SPTBN1: variants seen among roughly 807,000 people sequenced by gnomAD.
SPTBN1 encodes spectrin beta chain, non-erythrocytic 1.
Under a neutral mutation model 266.4 loss-of-function variants are expected in SPTBN1, and 32 were observed. The ratio of observed to expected loss-of-function variants is 0.12; its 90% confidence interval spans 0.09 to 0.16. The LOEUF (loss-of-function observed/expected upper bound fraction) is 0.16, where lower values mean the gene tolerates loss of function less well. Ranked by LOEUF, SPTBN1 falls within the 10% of genes least tolerant of loss-of-function variation. The probability of loss-of-function intolerance (pLI) is 1.00; values close to 1 mark genes in which losing one functional copy is unlikely to be tolerated. For missense variants in SPTBN1, 2,296 were observed against 3,067.1 expected (o/e 0.75, Z 5.94); for synonymous variants, 1,336 against 1,162.2 (o/e 1.15, Z -3.04).
At position 54,628,331 on chromosome 2, in the gene SPTBN1, T is replaced by TA; in HGVS notation, c.1798+82dup. The TA allele has an allele frequency of 6.8e-7, 1 of 1,465,178 alleles. No individual in the cohort carries two copies. Among genetic ancestry groups the TA allele is most frequent in the Non-Finnish European group, 9.1e-7 (1 of 1,104,664 alleles). The allele number at this position is 1,465,178 out of a possible 1,614,324, so 90.8% of individuals were successfully genotyped here. A position where few individuals can be genotyped will look rare whatever the true frequency, so the allele number is the denominator to read the frequency against. On this transcript the variant is annotated intron_variant, in intron 13 of 35. Transcript: ENST00000356805. This position sits in a 1 kb window ranked among gnomAD's most constrained non-coding sequence, Gnocchi z 4.3. ...AGAAACACAGTGGGGCTTTTGAAGT[T>TA]ACTGTGCCACTATACATTCCTGGTG... is the stretch of plus-strand genomic sequence containing the variant.
Position 54,657,984 on chromosome 2 carries a change from G to T in SPTBN1, c.6181G>T (p.Ala2061Ser). Residue 2061 changes from alanine (A) to serine (S), a missense_variant, in exon 30 of 36, where the codon GCA becomes TCA. Ala to Ser is a moderately conservative substitution (Grantham distance 99, BLOSUM62 1). This residue lies in a region of SPTBN1 where 644 missense variants were observed against 745.3 expected (regional missense o/e 0.86). Transcript: ENST00000356805. ...EVEKLIKRHE[A>S]FEKSAATWDE... ...GGAGAAGCTCATCAAGCGCCACGAGGCATTTGAAAAGTCTGCAGCAACCTG... is the reference window on the plus strand; with the variant it reads ...GGAGAAGCTCATCAAGCGCCACGAGTCATTTGAAAAGTCTGCAGCAACCTG... 1 of 1,614,260 alleles carries T rather than the reference G, an allele frequency of 6.2e-7. No individual in the cohort carries two copies. Among genetic ancestry groups the T allele is most frequent in the South Asian group, 1.1e-5 (1 of 91,084 alleles).
chr2:54,635,695 G>A (rs1435362335), intron 17 of SPTBN1, among the ~76,000 whole-genome samples: 1 of 152,224 alleles, frequency 6.6e-6, no homozygotes, highest in Non-Finnish European at 1.5e-5. Flanking sequence ...CCCTGCCACT[G>A]TAGGACTTCA....
rs1678577600 is a variant in SPTBN1, at chr2:54,629,375, C to T, written c.2241C>T (p.His747=). 6.2e-7 allele frequency: 1 copy of T among 1,614,148 alleles called. No homozygotes were observed. ...GCCTGGAGGAGGCCTCCCTGCTGCA[C>T]CAGTTCCAGGCAGATGCTGATGACA... ...KKRLEEASLL[H]QFQADADDID... The change falls in exon 14 of 36, where the codon CAC becomes CAT. Residue 747 remains histidine (H), a synonymous_variant. Coordinates refer to ENST00000356805, the MANE Select transcript of SPTBN1 (RefSeq NM_003128.3).
chr2:54,530,934 G>A (rs1271012765), intron 2 of SPTBN1, among the ~76,000 whole-genome samples: 1 of 152,086 alleles, frequency 6.6e-6, no homozygotes, highest in Non-Finnish European at 1.5e-5. Context: ...ATGATGCTGT[G>A]CACCCAAGAC....
intron 1 of SPTBN1, among the ~76,000 whole-genome samples, chr2:54,462,517 T>C (rs1295194106): frequency 6.6e-6 from 1 of 152,240 alleles, no homozygotes; most frequent in African/African-American, 2.4e-5. Context: ...ACTGCTACTC[T>C]GAGATTACTT....
chr2:54,484,842 C>A (rs1284723738), intron 1 of SPTBN1, among the ~76,000 whole-genome samples: 1 of 152,072 alleles, frequency 6.6e-6, no homozygotes, highest in Non-Finnish European at 1.5e-5. Flanking sequence ...ATACGTTTAG[C>A]TTCAAAAATG....
In SPTBN1 at chr2:54,475,728, ATTGT is replaced by A. The variant is rs1278980434; in HGVS notation, c.-48+19213_-48+19216del. ...TAGTATTTTCCACTAATTCAGACTC[ATTGT>A]TTAGTGAAAAGAATACAGCCATCGG... On this transcript the variant is annotated intron_variant, in intron 1 of 35. Transcript: ENST00000356805. Among the ~76,000 whole-genome samples the A allele has an allele frequency of 3.3e-5, 5 of 152,184 alleles. No individual in the cohort carries two copies. In the East Asian group the frequency reaches 9.6e-4, roughly 29 times the overall value.
At chr2:54,491,646 G>T (rs762128637) in intron 1 of SPTBN1, among the ~76,000 whole-genome samples, 1 of 151,174 alleles carries the variant, frequency 6.6e-6, no homozygotes, top group African/African-American at 2.5e-5. Context: ...CTGGAGTGCA[G>T]TGGTGCAAAC....
At chr2:54,598,489 G>A (rs1052323201) in intron 2 of SPTBN1, among the ~76,000 whole-genome samples, 2 of 152,068 alleles carry the variant, frequency 1.3e-5, no homozygotes, top group African/African-American at 2.4e-5. Context: ...CATGGTGTGT[G>A]TGACTGAGCA....
intron 1 of SPTBN1, among the ~76,000 whole-genome samples, chr2:54,480,071 A>G (rs1668023467): frequency 6.6e-6 from 1 of 152,216 alleles, no homozygotes; most frequent in South Asian, 2.1e-4. Context: ...AAAGGCTCAG[A>G]AAGTAAAATT....
chr2:54,644,154 A>AC (rs1458199328), intron 19 of SPTBN1, among the ~76,000 whole-genome samples, 169 bp from the exon 20 acceptor site: 2 of 152,132 alleles, frequency 1.3e-5, no homozygotes, highest in Non-Finnish European at 2.9e-5. Context: ...AATGTACACA[A>AC]CCTAGGGGTC....
chr2:54,558,484 C>T lies in SPTBN1; in HGVS notation c.148+31918C>T, dbSNP rs555735763. On this transcript the variant is annotated intron_variant, in intron 2 of 35. Coordinates refer to ENST00000356805, the MANE Select transcript of SPTBN1 (RefSeq NM_003128.3). This position sits in a 1 kb window ranked among gnomAD's most constrained non-coding sequence, Gnocchi z 4.6. ...TTTAAAAGTTCTGAAGTAGAACCTG[C>T]GCCTCCTCTCTGCTTCTCCCTCCTC... 2.2e-4 allele frequency: 253 copies of T among 1,133,412 alleles called. No individual in the cohort carries two copies. Among genetic ancestry groups the T allele is most frequent in the Non-Finnish European group, 2.7e-4 (247 of 924,288 alleles). 70.2% of individuals were successfully genotyped at this position (1,133,412 alleles called of 1,614,324 possible).
Position 54,670,880 on chromosome 2 carries a change from T to C in SPTBN1, c.*2311T>C, listed in dbSNP as rs1270371906. On this transcript the variant is annotated 3_prime_UTR_variant, in exon 36 of 36. Coordinates refer to ENST00000356805, the MANE Select transcript of SPTBN1 (RefSeq NM_003128.3). The stretch of plus-strand genomic sequence containing the variant: ...GCGTCAGAAGACCCCAGTCAAGACG[T>C]GTTCGCCATCAGAGGTTACAGGCCG... 2 of 398,360 alleles carry C rather than the reference T, an allele frequency of 5.0e-6. No individual in the cohort carries two copies. The highest frequency in any genetic ancestry group is 7.1e-5 in the East Asian group (2 of 28,090). 24.7% of individuals were successfully genotyped at this position (398,360 alleles called of 1,614,324 possible).
intron 2 of SPTBN1, among the ~76,000 whole-genome samples, chr2:54,547,143 C>CTAGAA (rs1672292763): frequency 6.6e-6 from 1 of 152,172 alleles, no homozygotes; most frequent in Admixed American, 6.5e-5. Flanking sequence ...CCCCCAGCTC[C>CTAGAA]TGGCAACCAC....
At chr2:54,595,206 C>A (rs1319771634) in intron 2 of SPTBN1, among the ~76,000 whole-genome samples, 2 of 152,230 alleles carry the variant, frequency 1.3e-5, no homozygotes, top group African/African-American at 4.8e-5. Context: ...AGAGCAGTTA[C>A]AACACTCTGG....
chr2:54,484,942 C>T (rs572475272), intron 1 of SPTBN1, among the ~76,000 whole-genome samples: 19 of 151,732 alleles, frequency 1.3e-4, no homozygotes, highest in African/African-American at 4.1e-4. Flanking sequence ...TCTTGAGTGT[C>T]GTGTAAAATA....
intron 1 of SPTBN1, among the ~76,000 whole-genome samples, chr2:54,460,529 G>T (rs909407266): frequency 1.3e-5 from 2 of 152,110 alleles, no homozygotes; most frequent in Admixed American, 1.3e-4. Flanking sequence ...CAGAGCTGGA[G>T]CCTCGGAAGC....
At position 54,486,287 on chromosome 2, in the gene SPTBN1, A is replaced by G. The variant is rs1668383653; in HGVS notation, c.-48+29769A>G. ...GTTTTGTGGAATAGAAAGGGGGGAAAGGTGGGGAAAAGACTGAGAAATCGG... is the reference window on the plus strand; with the variant it reads ...GTTTTGTGGAATAGAAAGGGGGGAAGGGTGGGGAAAAGACTGAGAAATCGG... On this transcript the variant is annotated intron_variant, in intron 1 of 35. Transcript: ENST00000356805. 3.9e-5 allele frequency among the ~76,000 whole-genome samples: 6 copies of G among 152,218 alleles called. No homozygotes were observed. In the South Asian group the frequency reaches 1.0e-3, roughly 26 times the overall value.
chr2:54,644,334 G>T lies in SPTBN1; in HGVS notation c.4017G>T (p.Gln1339His), dbSNP rs1373298885. 2.5e-6 allele frequency: 4 copies of T among 1,608,892 alleles called. No individual in the cohort carries two copies. In the Admixed American group the frequency reaches 5.0e-5, roughly 20 times the overall value. ...GTTTTGTTTTCCAGGAAGGAATGCA[G>T]CTCATTTCAGAAAAGCCTGAGACGG... ...WLDKIEKEGM[Q>H]LISEKPETEA... The change falls in exon 20 of 36, where the codon CAG (glutamine) becomes CAT (histidine). Residue 1339 changes from glutamine (Q) to histidine (H), a missense_variant. Coordinates refer to ENST00000356805, the MANE Select transcript of SPTBN1 (RefSeq NM_003128.3).
Sources: allele counts gnomAD v4.1 joint callset (sites outside exome capture counted in the v4.1 genomes callset), GRCh38; gene constraint gnomAD v4.1.1; regional missense constraint gnomAD v4.1.1; non-coding constraint Gnocchi (gnomAD v3.1); transcripts MANE v1.5; gene names NCBI Gene and HGNC (gene_info 2026-07-23, HGNC 2026-07-21).